PHLPP1: variants seen among roughly 807,000 people sequenced by gnomAD.
The protein encoded by PHLPP1 is PH domain leucine-rich repeat-containing protein phosphatase 1.
Under a neutral mutation model 117.2 loss-of-function variants are expected in PHLPP1, and 42 were observed. That is an observed-to-expected ratio of 0.36 (90% CI 0.28 to 0.46). PHLPP1 has a LOEUF of 0.46. Among genes scored for constraint, PHLPP1 ranks in the 20% least tolerant of loss-of-function variants. PHLPP1 has a pLI of 1.00. For missense variants in PHLPP1, 2,084 were observed against 2,241.9 expected, an observed-to-expected ratio of 0.93 and a Z score of 1.42; for synonymous variants, 1,042 against 970.7, an observed-to-expected ratio of 1.07 and a Z score of -1.37.
chr18:62,775,120 C>G (rs767886465), intron 1 of PHLPP1, among the ~76,000 whole-genome samples: 1 of 151,932 alleles, frequency 6.6e-6, no homozygotes, highest in African/African-American at 2.4e-5. Flanking sequence ...TTCTTGGAGA[C>G]GGAATCTCAT....
chr18:62,783,188 A>G (rs1056794635), intron 1 of PHLPP1, among the ~76,000 whole-genome samples: 1 of 147,602 alleles, frequency 6.8e-6, no homozygotes, highest in African/African-American at 2.5e-5. Flanking sequence ...TATAGTTACT[A>G]GGTCTTGATT....
At chr18:62,902,736 G>A (rs1916753540) in intron 6 of PHLPP1, among the ~76,000 whole-genome samples, 1 of 152,148 alleles carries the variant, frequency 6.6e-6, no homozygotes, top group African/African-American at 2.4e-5. Context: ...CTGTAGTGGT[G>A]TCACTTGTGT....
chr18:62,849,249 T>G (rs1207508348), intron 3 of PHLPP1, among the ~76,000 whole-genome samples: 1 of 152,208 alleles, frequency 6.6e-6, no homozygotes, highest in Non-Finnish European at 1.5e-5. Flanking sequence ...TGCAAACTGG[T>G]CAAATATTGA....
intron 9 of PHLPP1, among the ~76,000 whole-genome samples, chr18:62,916,563 T>C (rs1176366777): frequency 2.0e-5 from 3 of 151,462 alleles, no homozygotes; most frequent in East Asian, 3.9e-4. Context: ...TGACTGAGCA[T>C]TCAAGTGACC....
intron 4 of PHLPP1, among the ~76,000 whole-genome samples, chr18:62,893,814 T>C (rs1480997573): frequency 2.0e-5 from 3 of 152,168 alleles, no homozygotes; most frequent in African/African-American, 7.2e-5. Flanking sequence ...TAAAGATAGC[T>C]TCTTTAATTG....
At chr18:62,756,289 C>G (rs893233854) in intron 1 of PHLPP1, among the ~76,000 whole-genome samples, 9 of 152,314 alleles carry the variant, frequency 5.9e-5, no homozygotes, top group Admixed American at 1.3e-4. Flanking sequence ...TAGAGGGCTT[C>G]AGCTCACTTG....
At chr18:62,950,748 T>C (rs1910429585) in intron 12 of PHLPP1, among the ~76,000 whole-genome samples, 2 of 152,162 alleles carry the variant, frequency 1.3e-5, no homozygotes, top group African/African-American at 4.8e-5. Flanking sequence ...TGGAATCAAG[T>C]TAAGTAATAG....
chr18:62,932,988 A>G (rs1909862204), intron 10 of PHLPP1, among the ~76,000 whole-genome samples: 1 of 152,202 alleles, frequency 6.6e-6, no homozygotes, highest in South Asian at 2.1e-4. Flanking sequence ...TGAGAACCAA[A>G]TCAAGAATAC....
chr18:62,847,190 C>T (rs1915202900), intron 3 of PHLPP1, among the ~76,000 whole-genome samples: 1 of 152,214 alleles, frequency 6.6e-6, no homozygotes, highest in Admixed American at 6.5e-5. Context: ...TTCCATCTTC[C>T]TTCCTCCTGT....
At chr18:62,874,927 A>G (rs766993011) in intron 4 of PHLPP1, among the ~76,000 whole-genome samples, 1 of 152,170 alleles carries the variant, frequency 6.6e-6, no homozygotes, top group Non-Finnish European at 1.5e-5. Context: ...AGGACCTGCT[A>G]TGTATCTGTA....
At chr18:62,867,288 T>C (rs2144368775) in intron 4 of PHLPP1, among the ~76,000 whole-genome samples, 1 of 152,316 alleles carries the variant, frequency 6.6e-6, no homozygotes, top group South Asian at 2.1e-4. Flanking sequence ...TTGGACATTA[T>C]ATGTTGACTC....
Position 62,895,971 on chromosome 18 carries a change from G to A in PHLPP1, c.2404G>A (p.Ala802Thr). ...CTGTGTGGAGACCCTTAGGCTACAG[G>A]CTTTAAGAAAAATGCCTCACATTAA... ...GNCVETLRLQALRKMPHIKHV... is the reference protein window; with the variant it reads ...GNCVETLRLQTLRKMPHIKHV... The change falls in exon 6 of 17, where the codon GCT (alanine) becomes ACT (threonine). Residue 802 changes from alanine (A) to threonine (T), a missense_variant. Ala to Thr is a moderately conservative substitution (Grantham distance 58). Transcript: ENST00000262719. 2 of 1,613,550 alleles carry A rather than the reference G, an allele frequency of 1.2e-6. No individual in the cohort carries two copies. Among genetic ancestry groups the A allele is most frequent in the South Asian group, 1.1e-5 (1 of 91,070 alleles).
Position 62,717,026 on chromosome 18 carries a change from T to A in PHLPP1, c.1343T>A (p.Leu448His). ...GCGGCAGCCGTGGCCCCGGGAGGCC[T>A]CCAGTCTACCCCCGGGAGGAGCGGG... The part of the protein sequence containing the change: ...KAAAAVAPGG[L>H]QSTPGRSGVT... The change falls in exon 1 of 17, where the codon CTC becomes CAC. Residue 448 changes from leucine (L) to histidine (H), a missense_variant. Physicochemically the swap from Leu to His is moderately conservative, Grantham distance 99 (BLOSUM62 -3). Around this residue, in one of 2 missense-constraint regions of PHLPP1, gnomAD observed 719 missense variants for 636.0 expected, o/e 1.13. Transcript: ENST00000262719. 6.5e-7 allele frequency: 1 copy of A among 1,545,534 alleles called. No individual in the cohort carries two copies. Among genetic ancestry groups the A allele is most frequent in the Non-Finnish European group, 8.7e-7 (1 of 1,146,048 alleles).
At chr18:62,732,499 C>T (rs1402956611) in intron 1 of PHLPP1, among the ~76,000 whole-genome samples, 1 of 152,162 alleles carries the variant, frequency 6.6e-6, no homozygotes, top group East Asian at 1.9e-4. Context: ...TGAAAATGTA[C>T]CTGGTCATCC....
At chr18:62,968,377 T>A (rs1239043714) in intron 14 of PHLPP1, among the ~76,000 whole-genome samples, 3 of 152,142 alleles carry the variant, frequency 2.0e-5, no homozygotes, top group African/African-American at 7.2e-5. Flanking sequence ...CCATCTGTTC[T>A]GGGTTTTTTT....
chr18:62,822,331 G>A (rs1238988888), intron 1 of PHLPP1, among the ~76,000 whole-genome samples: 1 of 146,788 alleles, frequency 6.8e-6, no homozygotes, highest in Non-Finnish European at 1.5e-5. Flanking sequence ...GTCCAGGCTG[G>A]AGTGCAGTGG....
intron 4 of PHLPP1, among the ~76,000 whole-genome samples, chr18:62,871,318 A>ATTTTTG (rs995091948): frequency 1.3e-4 from 20 of 151,772 alleles, no homozygotes; most frequent in African/African-American, 4.4e-4. Flanking sequence ...AGCTCTGTTT[A>ATTTTTG]TTTTTGTTTT....
chr18:62,955,932 G>T (rs1599140831), intron 12 of PHLPP1, among the ~76,000 whole-genome samples: 1 of 152,174 alleles, frequency 6.6e-6, no homozygotes, highest in South Asian at 2.1e-4. Context: ...GATGTGTACT[G>T]ACTCTGTTGG....
At chr18:62,917,681 C>A (rs183848208) in intron 9 of PHLPP1, among the ~76,000 whole-genome samples, 27 of 151,834 alleles carry the variant, frequency 1.8e-4, no homozygotes, top group Admixed American at 1.8e-3. Context: ...GATATGGTGG[C>A]GTGTGCCTGT....
Sources: allele counts gnomAD v4.1 joint callset (sites outside exome capture counted in the v4.1 genomes callset), GRCh38; gene constraint gnomAD v4.1.1; regional missense constraint gnomAD v4.1.1; transcripts MANE v1.5; gene names NCBI Gene and HGNC (gene_info 2026-07-23, HGNC 2026-07-21).